DCDC2: variants seen among roughly 807,000 people sequenced by gnomAD.
DCDC2 encodes doublecortin domain-containing protein 2.
Under a neutral mutation model 50.2 loss-of-function variants are expected in DCDC2, and 40 were observed. The ratio of observed to expected loss-of-function variants is 0.80; its 90% CI spans 0.62 to 1.04. The LOEUF is 1.04. Ranked by LOEUF, DCDC2 falls within the 50% of genes least tolerant of loss-of-function variation. DCDC2 has a pLI of 0.00. For missense variants in DCDC2, 570 were observed against 581.9 expected, an observed-to-expected ratio of 0.98 and a Z score of 0.21; for synonymous variants, 234 against 210.6, an observed-to-expected ratio of 1.11 and a Z score of -0.96.
chr6:24,227,472 G>A (rs557267571), intron 7 of DCDC2, among the ~76,000 whole-genome samples: 9 of 152,278 alleles, frequency 5.9e-5, no homozygotes, highest in African/African-American at 2.2e-4. Flanking sequence ...TGAGATGAAT[G>A]TTGAGGAATG....
chr6:24,227,722 C>T (rs1762260284), intron 7 of DCDC2, among the ~76,000 whole-genome samples: 1 of 152,218 alleles, frequency 6.6e-6, no homozygotes, highest in African/African-American at 2.4e-5. Context: ...GCTGGTTTTG[C>T]TAGCAGCACA....
intron 7 of DCDC2, among the ~76,000 whole-genome samples, chr6:24,205,619 C>CA (rs1327690586): frequency 1.3e-5 from 2 of 152,006 alleles, no homozygotes; most frequent in East Asian, 3.9e-4. Context: ...CATATCTCAC[C>CA]AAAAAATCAG....
At chr6:24,377,674 G>T in the DCDC2 span, among the ~76,000 whole-genome samples, 1 of 152,114 alleles carries the variant, frequency 6.6e-6, no homozygotes, top group Non-Finnish European at 1.5e-5. Context: ...CATAAAACTG[G>T]CATATAGGAT....
At chr6:24,284,468 C>A (rs983600610) in intron 6 of DCDC2, among the ~76,000 whole-genome samples, 3 of 151,716 alleles carry the variant, frequency 2.0e-5, no homozygotes. Context: ...AAAAATTAGC[C>A]AGGCATGGTG....
At chr6:24,254,486 G>A (rs1023618033) in intron 7 of DCDC2, among the ~76,000 whole-genome samples, 4 of 151,988 alleles carry the variant, frequency 2.6e-5, no homozygotes, top group African/African-American at 9.7e-5. Context: ...ACATCACTAG[G>A]CCATAGAAAT....
upstream of DCDC2, among the ~76,000 whole-genome samples, chr6:24,361,378 G>T (rs766426135): frequency 7.9e-5 from 12 of 151,292 alleles, no homozygotes; most frequent in South Asian, 4.2e-4. Flanking sequence ...TCCGTGACAC[G>T]AGTTACCTAT....
At chr6:24,291,713 C>T in intron 4 of DCDC2, among the ~76,000 whole-genome samples, 1 of 151,932 alleles carries the variant, frequency 6.6e-6, no homozygotes, top group Non-Finnish European at 1.5e-5. Flanking sequence ...TCTCGATCTC[C>T]TGACCTCGTG....
At chr6:24,239,518 C>T (rs1374795365) in intron 7 of DCDC2, among the ~76,000 whole-genome samples, 1 of 152,212 alleles carries the variant, frequency 6.6e-6, no homozygotes, top group Non-Finnish European at 1.5e-5. Flanking sequence ...AACACCGAGG[C>T]AGGCATGTGA....
At chr6:24,285,549 G>T (rs1763584610) in intron 6 of DCDC2, among the ~76,000 whole-genome samples, 2 of 152,008 alleles carry the variant, frequency 1.3e-5, no homozygotes, top group Non-Finnish European at 2.9e-5. Flanking sequence ...TGTATCCCTG[G>T]GGCTTACTAC....
At chr6:24,220,432 A>G (rs1308026671) in intron 7 of DCDC2, among the ~76,000 whole-genome samples, 3 of 152,234 alleles carry the variant, frequency 2.0e-5, no homozygotes, top group African/African-American at 7.2e-5. Context: ...GCGGAGAAGA[A>G]ATGGAAAAAG....
upstream of DCDC2, among the ~76,000 whole-genome samples, chr6:24,359,402 AT>A (rs1318607877): frequency 9.7e-5 from 5 of 51,356 alleles, 1 homozygote; most frequent in East Asian, 1.1e-3. Context: ...TATTATATAT[AT>A]TTTATATATT....
chr6:24,204,191 T>C lies in DCDC2; in HGVS notation c.1023+811A>G, dbSNP rs563050584. On this transcript the variant is annotated intron_variant, in intron 8 of 9. Transcript: ENST00000378454. The stretch of plus-strand genomic sequence containing the variant: ...TACTATAAAGACACATGCACACTTA[T>C]GTGTACTGCAGCGCTATTCACAATA... 2.9e-3 allele frequency among the ~76,000 whole-genome samples: 440 copies of C among 152,286 alleles called. 1 individual carries two copies. Among genetic ancestry groups the C allele is most frequent in the Non-Finnish European group, 4.1e-3 (281 of 68,024 alleles).
chr6:24,367,955 A>G, the DCDC2 span, among the ~76,000 whole-genome samples: 29 of 152,146 alleles, frequency 1.9e-4, no homozygotes, highest in Admixed American at 9.2e-4. Flanking sequence ...AAAATGACCA[A>G]AGGTTTTTTT....
At chr6:24,274,892 G>A (rs868280322) in intron 7 of DCDC2, among the ~76,000 whole-genome samples, 2 of 151,840 alleles carry the variant, frequency 1.3e-5, no homozygotes, top group Non-Finnish European at 1.5e-5. Flanking sequence ...GTTAACATAT[G>A]CTAGAAAATA....
intron 2 of DCDC2, among the ~76,000 whole-genome samples, chr6:24,333,989 A>C (rs1760012567): frequency 6.6e-6 from 1 of 152,218 alleles, no homozygotes; most frequent in African/African-American, 2.4e-5. Flanking sequence ...AGAGAGGAGA[A>C]GGAACATAGG....
Position 24,349,936 on chromosome 6 carries a change from A to G in DCDC2, c.348+3633T>C, listed in dbSNP as rs141746594. On this transcript the variant is annotated intron_variant, in intron 2 of 9. Transcript: ENST00000378454. Reference sequence around the variant, plus strand: ...GACTCTGAGGTGGGTGCAAACAACCACAGAGTCACCTTATTCCTCTTTCTT... The same window carrying G: ...GACTCTGAGGTGGGTGCAAACAACCGCAGAGTCACCTTATTCCTCTTTCTT... 2.2e-3 allele frequency among the ~76,000 whole-genome samples: 332 copies of G among 152,200 alleles called. 1 individual carries two copies. The highest frequency in any genetic ancestry group is 6.1e-3 in the African/African-American group (255 of 41,532).
rs778223261 is a variant in DCDC2, at chr6:24,237,692, G to A, written c.923-32590C>T. 4.7e-4 allele frequency among the ~76,000 whole-genome samples: 71 copies of A among 152,266 alleles called. 1 individual carries two copies. Among genetic ancestry groups the A allele is most frequent in the African/African-American group, 7.2e-4 (30 of 41,554 alleles). On this transcript the variant is annotated intron_variant, in intron 7 of 9. Transcript: ENST00000378454. ...CCTAGGTGTCTATCAATGGTGGATTGGGTAAAGAAAATGTAGTACATATAA... is the reference window on the plus strand; with the variant it reads ...CCTAGGTGTCTATCAATGGTGGATTAGGTAAAGAAAATGTAGTACATATAA...
chr6:24,289,090 T>C (rs553977047), intron 5 of DCDC2, among the ~76,000 whole-genome samples, 184 bp from the exon 6 acceptor site: 1 of 152,318 alleles, frequency 6.6e-6, no homozygotes, highest in African/African-American at 2.4e-5. Flanking sequence ...CCAAATTCCA[T>C]CCCAAAAGAT....
chr6:24,195,535 C>T (rs1214870866), intron 8 of DCDC2, among the ~76,000 whole-genome samples: 1 of 152,180 alleles, frequency 6.6e-6, no homozygotes, highest in African/African-American at 2.4e-5. Flanking sequence ...TAAAGAAACC[C>T]AGCCTTTGTC....
Sources: gnomAD v4.1 joint callset for allele counts (sites outside exome capture counted in the v4.1 genomes callset) on GRCh38, gnomAD v4.1.1 for gene constraint, MANE v1.5 for transcripts, NCBI Gene and HGNC (gene_info 2026-07-23, HGNC 2026-07-21) for gene names.